TMPRSS11F: variants seen among roughly 807,000 people sequenced by gnomAD.
TMPRSS11F encodes transmembrane serine protease 11F.
Under a neutral mutation model 60.2 loss-of-function variants are expected in TMPRSS11F, and 47 were observed. The ratio of observed to expected loss-of-function variants is 0.78; its 90% CI spans 0.62 to 1.00. The LOEUF (loss-of-function observed/expected upper bound fraction) is 1.00. Ranked by LOEUF, TMPRSS11F falls within the 50% of genes least tolerant of loss-of-function variation. The probability of loss-of-function intolerance (pLI) is 0.00; values close to 1 mark genes in which losing one functional copy is unlikely to be tolerated. For missense variants in TMPRSS11F, 519 were observed against 522.9 expected (o/e 0.99, Z 0.07); for synonymous variants, 166 against 167.3 (o/e 0.99, Z 0.06).
chr4:68,063,422 G>C (rs2109834492), intron 8 of TMPRSS11F, among the ~76,000 whole-genome samples: 1 of 152,066 alleles, frequency 6.6e-6, no homozygotes, highest in South Asian at 2.1e-4. Flanking sequence ...CTGTCACCAG[G>C]CTGCAGTGCA....
intron 9 of TMPRSS11F, among the ~76,000 whole-genome samples, 171 bp downstream of exon 9, chr4:68,059,155 C>A (rs780033507): frequency 6.7e-6 from 1 of 150,144 alleles, no homozygotes; most frequent in African/African-American, 2.5e-5. Context: ...TTTGGCTTAG[C>A]GTATATTAAA....
chr4:68,084,893 C>A (rs71598048), intron 3 of TMPRSS11F, among the ~76,000 whole-genome samples: 32,172 of 118,180 alleles, frequency 0.27, 4,602 homozygotes, highest in East Asian at 0.48. Context: ...CCTCCCCCCA[C>A]CCCACCACAG....
intron 1 of TMPRSS11F, among the ~76,000 whole-genome samples, chr4:68,121,748 ATT>A (rs1452153250): frequency 6.6e-6 from 1 of 152,194 alleles, no homozygotes; most frequent in Non-Finnish European, 1.5e-5. Context: ...TGAAGATATA[ATT>A]GTCCTAGAGA....
At chr4:68,126,946 A>G (rs763747995) in intron 1 of TMPRSS11F, among the ~76,000 whole-genome samples, 1 of 152,212 alleles carries the variant, frequency 6.6e-6, no homozygotes, top group Admixed American at 6.5e-5. Context: ...AACAACAAAT[A>G]CGTAGGCAGT....
chr4:68,056,706 C>CAA (rs34805853), intron 9 of TMPRSS11F, among the ~76,000 whole-genome samples: 69 of 150,494 alleles, frequency 4.6e-4, no homozygotes, highest in African/African-American at 5.1e-4. Flanking sequence ...CATATAGAAG[C>CAA]AAAAAAAAAC....
Position 68,098,997 on chromosome 4 carries a change from T to C in TMPRSS11F, c.53A>G (p.Tyr18Cys). The C allele has an allele frequency of 6.2e-7, 1 of 1,613,322 alleles. No homozygotes were observed. The highest frequency in any genetic ancestry group is 8.5e-7 in the Non-Finnish European group (1 of 1,179,580). Residue 18 changes from tyrosine (Y) to cysteine (C), a missense_variant, in exon 2 of 10, where the codon TAT becomes TGT. By Grantham distance (194) the Tyr-to-Cys change is radical (BLOSUM62 -2). Transcript: ENST00000356291. ...GTCCCAAAATTGCTGCTTTCTTTGA[T>C]ATTCAGCTCGTGAGAATTCAGCTTC... ...FSEAEFSRAEYQRKQQFWDSV... is the reference protein window; with the variant it reads ...FSEAEFSRAECQRKQQFWDSV...
At chr4:68,092,080 C>A (rs1723955552) in intron 2 of TMPRSS11F, among the ~76,000 whole-genome samples, 1 of 152,130 alleles carries the variant, frequency 6.6e-6, no homozygotes, top group African/African-American at 2.4e-5. Context: ...GCCACCGCAC[C>A]TGGCCAGATC....
chr4:68,063,437 C>T (rs188578887), intron 8 of TMPRSS11F, among the ~76,000 whole-genome samples: 224 of 152,044 alleles, frequency 1.5e-3, no homozygotes, highest in Non-Finnish European at 1.8e-3. Context: ...AGTGCAATGG[C>T]GCAGTCTCGG....
chr4:68,090,414 T>C, intron 3 of TMPRSS11F, 109 bp downstream of exon 3: 1 of 1,408,554 alleles, frequency 7.1e-7, no homozygotes, highest in Non-Finnish European at 9.3e-7. Context: ...TACTATAGTA[T>C]CTCCATTATG....
intron 3 of TMPRSS11F, among the ~76,000 whole-genome samples, chr4:68,078,910 A>T (rs892893657): frequency 6.6e-6 from 1 of 152,062 alleles, no homozygotes; most frequent in Admixed American, 6.5e-5. Context: ...TGTCCTTTGA[A>T]ATTCTGAACT....
intron 8 of TMPRSS11F, chr4:68,062,722 C>G (rs375890526): frequency 2.7e-6 from 2 of 743,848 alleles, no homozygotes; most frequent in Admixed American, 1.7e-5. Context: ...CATGAGAAAG[C>G]TGAAATAGGG....
chr4:68,112,811 C>T (rs943590186), intron 1 of TMPRSS11F, among the ~76,000 whole-genome samples: 3 of 152,002 alleles, frequency 2.0e-5, no homozygotes, highest in South Asian at 2.1e-4. Flanking sequence ...TTCTTTTATG[C>T]TAATAATTAT....
intron 1 of TMPRSS11F, among the ~76,000 whole-genome samples, chr4:68,123,624 T>C (rs1724662737): frequency 6.6e-6 from 1 of 152,154 alleles, no homozygotes. Flanking sequence ...AATTAAAGTA[T>C]AATCTGGGCC....
At chr4:68,080,294 A>G (rs1246577129) in intron 3 of TMPRSS11F, 1 of 152,268 alleles carries the variant, frequency 6.6e-6, no homozygotes, top group East Asian at 1.9e-4. Flanking sequence ...CTGATCAAGC[A>G]AATAAACTTT....
chr4:68,127,624 G>T (rs1467773066), intron 1 of TMPRSS11F, among the ~76,000 whole-genome samples: 1 of 151,918 alleles, frequency 6.6e-6, no homozygotes, highest in Admixed American at 6.6e-5. Flanking sequence ...AGGACTTCAG[G>T]GCTATCTAAC....
chr4:68,064,976 G>T (rs1560393670), intron 7 of TMPRSS11F, 32 bp from the exon 8 acceptor site: 2 of 1,581,364 alleles, frequency 1.3e-6, no homozygotes, highest in East Asian at 4.5e-5. Context: ...TACTTGTGAT[G>T]CTTGACTTAA....
chr4:68,062,976 G>A (rs748764429), intron 8 of TMPRSS11F: 1 of 713,770 alleles, frequency 1.4e-6, no homozygotes, highest in Non-Finnish European at 2.7e-6. Flanking sequence ...CCGTCTTCGA[G>A]AGACTGACAT....
At chr4:68,112,039 ACT>A (rs1317722954) in intron 1 of TMPRSS11F, among the ~76,000 whole-genome samples, 1 of 151,990 alleles carries the variant, frequency 6.6e-6, no homozygotes, top group Admixed American at 6.6e-5. Flanking sequence ...TCCATCAGAC[ACT>A]CTGTAATTTG....
intron 1 of TMPRSS11F, among the ~76,000 whole-genome samples, chr4:68,126,452 C>T (rs1189073688): frequency 6.6e-6 from 1 of 152,170 alleles, no homozygotes; most frequent in Non-Finnish European, 1.5e-5. Flanking sequence ...TAGTTTTCAG[C>T]TTTTTACTTA....
Sources: gnomAD v4.1 joint callset for allele counts (sites outside exome capture counted in the v4.1 genomes callset) on GRCh38, gnomAD v4.1.1 for gene constraint, MANE v1.5 for transcripts, NCBI Gene and HGNC (gene_info 2026-07-23, HGNC 2026-07-21) for gene names.